Variants in PCDH15 observed in about 807,000 individuals in gnomAD.
The protein encoded by PCDH15 is protocadherin related 15.
Under a neutral mutation model 178.5 loss-of-function variants are expected in PCDH15, and 129 were observed. The ratio of observed to expected loss-of-function variants is 0.72; its 90% CI spans 0.63 to 0.84. PCDH15 has a LOEUF of 0.84. Ranked by LOEUF, PCDH15 falls within the 40% of genes least tolerant of loss-of-function variation. The probability of loss-of-function intolerance (pLI) is 0.00; values close to 1 mark genes in which losing one functional copy is unlikely to be tolerated. For synonymous variants in PCDH15, 800 were observed against 732.0 expected (o/e 1.09, Z -1.50); for missense variants, 2,230 against 2,099.9 (o/e 1.06, Z -1.21).
chr10:54,905,483 A>G (rs1159063269), intron 2 of PCDH15, among the ~76,000 whole-genome samples: 1 of 152,040 alleles, frequency 6.6e-6, no homozygotes, highest in Non-Finnish European at 1.5e-5. Flanking sequence ...ATTTTTCCAT[A>G]TTTTTCTTCA....
At chr10:54,552,668 T>C (rs2086745423) in intron 2 of PCDH15, among the ~76,000 whole-genome samples, 1 of 152,168 alleles carries the variant, frequency 6.6e-6, no homozygotes. Context: ...AATAATGCAG[T>C]TGTGAAACAT....
chr10:54,405,970 A>G (rs1952616178), intron 3 of PCDH15, among the ~76,000 whole-genome samples: 1 of 151,910 alleles, frequency 6.6e-6, no homozygotes, highest in Admixed American at 6.6e-5. Context: ...GCTTCTTTGT[A>G]TTTTTTCTGG....
chr10:54,605,374 A>C (rs1185806879), intron 2 of PCDH15, among the ~76,000 whole-genome samples: 1 of 151,854 alleles, frequency 6.6e-6, no homozygotes, highest in Non-Finnish European at 1.5e-5. Context: ...ATTTTGTCTT[A>C]AGTTTTAAAG....
At chr10:53,956,596 T>G (rs1031530307) in intron 23 of PCDH15, among the ~76,000 whole-genome samples, 2 of 152,170 alleles carry the variant, frequency 1.3e-5, no homozygotes, top group Non-Finnish European at 2.9e-5. Flanking sequence ...CTAAATGCAT[T>G]ATGATCAAGA....
intron 1 of PCDH15, among the ~76,000 whole-genome samples, chr10:55,173,334 TG>T (rs1196028431): frequency 6.5e-4 from 98 of 150,894 alleles, no homozygotes; most frequent in African/African-American, 2.2e-3. Flanking sequence ...TGTGTGTGTG[TG>T]TGTGTGTGTG....
intron 8 of PCDH15, among the ~76,000 whole-genome samples, chr10:54,280,836 AT>A: frequency 6.6e-6 from 1 of 152,014 alleles, no homozygotes; most frequent in East Asian, 1.9e-4. Context: ...TATAACACAT[AT>A]AAAGGTAGCC....
chr10:54,140,157 T>C (rs1262287746), intron 14 of PCDH15, among the ~76,000 whole-genome samples: 1 of 152,066 alleles, frequency 6.6e-6, no homozygotes. Context: ...TTAATGAATG[T>C]AAAATATAAA....
chr10:55,337,591 A>G (rs1240225412), intron 2 of PCDH15, among the ~76,000 whole-genome samples: 1 of 152,352 alleles, frequency 6.6e-6, no homozygotes, highest in African/African-American at 2.4e-5. Flanking sequence ...TGTATCAGGC[A>G]TTCTGATTCG....
chr10:54,885,435 A>G (rs1026258599), intron 3 of PCDH15, among the ~76,000 whole-genome samples: 7 of 152,080 alleles, frequency 4.6e-5, no homozygotes, highest in African/African-American at 1.7e-4. Flanking sequence ...CACTGGGAAG[A>G]AGGCAGAGGT....
At chr10:54,008,177 T>C (rs1219725601) in intron 20 of PCDH15, among the ~76,000 whole-genome samples, 1 of 152,198 alleles carries the variant, frequency 6.6e-6, no homozygotes, top group African/African-American at 2.4e-5. Context: ...AAAAGTGGTA[T>C]TACATATGTC....
chr10:54,082,753 G>A (rs987991103), intron 16 of PCDH15, among the ~76,000 whole-genome samples: 13 of 82,600 alleles, frequency 1.6e-4, no homozygotes, highest in Middle Eastern at 6.7e-3. Flanking sequence ...ACTGAACTTC[G>A]TCAAAATAAA....
At chr10:54,660,590 C>T (rs2094475282) in intron 2 of PCDH15, among the ~76,000 whole-genome samples, 1 of 151,960 alleles carries the variant, frequency 6.6e-6, no homozygotes, top group African/African-American at 2.4e-5. Flanking sequence ...GGAGGAATGA[C>T]TCCTCTCTAA....
chr10:54,496,732 C>T (rs1460496613), intron 3 of PCDH15, among the ~76,000 whole-genome samples: 1 of 152,048 alleles, frequency 6.6e-6, no homozygotes, highest in Non-Finnish European at 1.5e-5. Context: ...CTTATCTCAG[C>T]CTCTCAATAC....
intron 1 of PCDH15, among the ~76,000 whole-genome samples, chr10:55,192,521 G>T (rs1352630408): frequency 1.3e-5 from 2 of 151,642 alleles, no homozygotes; most frequent in Non-Finnish European, 2.9e-5. Context: ...TCCTGCCTTT[G>T]ATAAAGTTTC....
intron 1 of PCDH15, among the ~76,000 whole-genome samples, chr10:55,249,628 C>A (rs758608985): frequency 6.6e-6 from 1 of 152,196 alleles, no homozygotes; most frequent in East Asian, 1.9e-4. Flanking sequence ...AAATTGCAAT[C>A]TTCTAATTGT....
intron 37 of PCDH15, chr10:53,808,994 TTTGTTCTTC>T (rs1411752500): frequency 6.4e-7 from 1 of 1,567,740 alleles, no homozygotes; most frequent in African/African-American, 1.4e-5. Flanking sequence ...TTAGGTTCTT[TTTGTTCTTC>T]TTGTGGCTCC....
intron 16 of PCDH15, among the ~76,000 whole-genome samples, chr10:54,088,551 C>T (rs7097777): frequency 0.21 from 31,735 of 151,934 alleles, 3,527 homozygotes; most frequent in Non-Finnish European, 0.25. Flanking sequence ...TAAAAATTGA[C>T]GAGACCCAAT....
chr10:55,476,694 G>GA (rs770846300), intron 2 of PCDH15, among the ~76,000 whole-genome samples: 2 of 151,812 alleles, frequency 1.3e-5, no homozygotes, highest in Non-Finnish European at 2.9e-5. Context: ...TTTTAAACAT[G>GA]AAAAAATAAT....
chr10:55,415,348 A>G (rs1226927162), intron 2 of PCDH15, among the ~76,000 whole-genome samples: 1 of 151,638 alleles, frequency 6.6e-6, no homozygotes, highest in Non-Finnish European at 1.5e-5. Flanking sequence ...TGCTAAAATA[A>G]TCCTTTTTAA....
Sources: gnomAD v4.1 joint callset for allele counts (sites outside exome capture counted in the v4.1 genomes callset) on GRCh38, gnomAD v4.1.1 for gene constraint, MANE v1.5 for transcripts, NCBI Gene and HGNC (gene_info 2026-07-23, HGNC 2026-07-21) for gene names.